TRIML2: variants seen among roughly 807,000 people sequenced by gnomAD.
TRIML2 encodes probable E3 ubiquitin-protein ligase TRIML2.
A neutral mutation model predicts 31.2 loss-of-function variants in TRIML2; 28 were observed. The observed-to-expected ratio is 0.90, with a 90% CI of 0.66 to 1.23. The LOEUF (loss-of-function observed/expected upper bound fraction) is 1.23. Among genes scored for constraint, TRIML2 ranks in the 50% most tolerant of loss-of-function variants. The pLI is 0.00. For missense variants in TRIML2, 536 were observed against 528.3 expected, an observed-to-expected ratio of 1.01 and a Z score of -0.14; for synonymous variants, 187 against 197.5, an observed-to-expected ratio of 0.95 and a Z score of 0.45.
intron 7 of TRIML2, 43 bp from the exon 8 acceptor site, chr4:188,091,984 T>C: frequency 3.9e-6 from 6 of 1,555,614 alleles, no homozygotes; most frequent in Non-Finnish European, 5.2e-6. Context: ...AGTTCACCAA[T>C]GCCAATGCCA....
chr4:188,101,306 C>T, intron 3 of TRIML2, 56 bp from the exon 4 acceptor site: 1 of 1,068,430 alleles, frequency 9.4e-7, no homozygotes, highest in Non-Finnish European at 1.4e-6. Flanking sequence ...TAACAACACA[C>T]ACACACGTCA....
In TRIML2 at chr4:188,097,364, G is replaced by A. The variant is rs146985988; in HGVS notation, c.622-18C>T. On this transcript the variant is annotated intron_variant, in intron 5 of 7. Coordinates refer to ENST00000682553, the MANE Select transcript of TRIML2 (RefSeq NM_173553.4). ...TTTGCATTCTAAGGGAAAGAAAAGA[G>A]ACCAGGTTACTACTGGGTTTTTGAG... The A allele has an allele frequency of 1.3e-3, 2,162 of 1,613,640 alleles. 38 individuals are homozygous for A. In the African/African-American group the frequency reaches 0.026, roughly 19 times the overall value.
chr4:188,099,240 T>C, intron 4 of TRIML2, 65 bp from the exon 5 acceptor site: 1 of 1,524,072 alleles, frequency 6.6e-7, no homozygotes, highest in Non-Finnish European at 8.8e-7. Context: ...TTCGGTAACT[T>C]CTCCTATAGA....
intron 1 of TRIML2, chr4:188,106,876 G>A: frequency 3.8e-6 from 1 of 262,690 alleles, no homozygotes; most frequent in Non-Finnish European, 7.9e-6. Context: ...GCGCTTTGTC[G>A]ACGTTGTGCC....
intron 7 of TRIML2, among the ~76,000 whole-genome samples, chr4:188,092,449 A>G (rs957137857): frequency 6.8e-6 from 1 of 147,244 alleles, no homozygotes. Flanking sequence ...CGACAGAGCA[A>G]GACTCCATCT....
At chr4:188,098,823 G>A (rs968043799) in intron 5 of TRIML2, 4 of 535,364 alleles carry the variant, frequency 7.5e-6, no homozygotes, top group Admixed American at 3.6e-5. Flanking sequence ...ATTTTAAGGT[G>A]AGAATTCATC....
intron 4 of TRIML2, among the ~76,000 whole-genome samples, chr4:188,099,716 G>A (rs1733689407): frequency 6.6e-6 from 1 of 152,140 alleles, no homozygotes; most frequent in South Asian, 2.1e-4. Flanking sequence ...CCCCTGTTAT[G>A]TATGTTTAAG....
intron 1 of TRIML2, chr4:188,105,971 C>T (rs918716031): frequency 3.3e-5 from 5 of 152,388 alleles, no homozygotes; most frequent in Admixed American, 2.6e-4. Flanking sequence ...CCCACCTCAG[C>T]TTCCGGAGTA....
At position 188,097,478 on chromosome 4, in the gene TRIML2, CA is replaced by C. The variant is rs541761420; in HGVS notation, c.622-133del. 443 of 819,756 alleles carry C rather than the reference CA, an allele frequency of 5.4e-4. 2 individuals are homozygous for C. The African/African-American group carries it at 6.4e-3, about 12-fold the overall frequency. The allele number at this position is 819,756 out of a possible 1,614,324, so 50.8% of individuals were successfully genotyped here. A position where few individuals can be genotyped will look rare whatever the true frequency, so the allele number is the denominator to read the frequency against. On this transcript the variant is annotated intron_variant, in intron 5 of 7. Coordinates refer to ENST00000682553, the MANE Select transcript of TRIML2 (RefSeq NM_173553.4). The stretch of plus-strand genomic sequence containing the variant: ...TCTTCAACCTCATAATGCTAGTTAT[CA>C]GATGAACAAATTCTAACATGGAAAC...
Position 188,101,138 on chromosome 4 carries a change from T to A in TRIML2, c.398A>T (p.Asp133Val). ...CAGAAGGGTTTCTCTCAGGTTCAAG[T>A]CAGATATGCATTCCTGCTGTCTCTG... Reference protein sequence around the residue: ...NLQRQQECISDLNLRETLLNQ... With the variant: ...NLQRQQECISVLNLRETLLNQ... The change falls in exon 4 of 8, where the codon GAC becomes GTC. Residue 133 changes from aspartate (D) to valine (V), a missense_variant. Coordinates refer to ENST00000682553, the MANE Select transcript of TRIML2 (RefSeq NM_173553.4). The A allele has an allele frequency of 6.2e-7, 1 of 1,613,970 alleles. No homozygotes were observed. The highest frequency in any genetic ancestry group is 8.5e-7 in the Non-Finnish European group (1 of 1,179,964).
chr4:188,102,603 C>A (rs1733847231), intron 3 of TRIML2, among the ~76,000 whole-genome samples: 1 of 152,010 alleles, frequency 6.6e-6, no homozygotes, highest in Non-Finnish European at 1.5e-5. Context: ...GTAATCCCAG[C>A]ACTTTGGGAG....
chr4:188,107,984 A>G (rs540037825), intron 1 of TRIML2, among the ~76,000 whole-genome samples: 9 of 152,146 alleles, frequency 5.9e-5, no homozygotes, highest in Non-Finnish European at 1.2e-4. Flanking sequence ...GAGTCACCAA[A>G]ACAAAGAAAT....
intron 7 of TRIML2, 130 bp downstream of exon 7, chr4:188,096,931 A>G: frequency 1.4e-6 from 1 of 711,750 alleles, no homozygotes; most frequent in Admixed American, 2.4e-5. Context: ...TGCTGGGATT[A>G]CAGGAGTGAC....
In TRIML2 at chr4:188,105,535, A is replaced by G. The variant is rs1418193167; in HGVS notation, c.-167T>C. On this transcript the variant is annotated 5_prime_UTR_variant, in exon 2 of 8. Coordinates refer to ENST00000682553, the MANE Select transcript of TRIML2 (RefSeq NM_173553.4). ...TCCAAGGAAATAAGTCCACGCAGACAGAGCGGGTCGGCGCTCTGGACTCCT... is the reference window on the plus strand; with the variant it reads ...TCCAAGGAAATAAGTCCACGCAGACGGAGCGGGTCGGCGCTCTGGACTCCT... The G allele has an allele frequency of 8.0e-6, 4 of 500,414 alleles. No individual in the cohort carries two copies. The highest frequency in any genetic ancestry group is 1.4e-5 in the Non-Finnish European group (4 of 287,452). The allele number at this position is 500,414 out of a possible 1,614,324, so 31.0% of individuals were successfully genotyped here.
chr4:188,107,677 A>G (rs1327953249), intron 1 of TRIML2, among the ~76,000 whole-genome samples: 2 of 152,176 alleles, frequency 1.3e-5, no homozygotes, highest in Non-Finnish European at 2.9e-5. Flanking sequence ...TATATTATTA[A>G]TATGTCTAAG....
At chr4:188,100,227 C>T (rs1733713803) in intron 4 of TRIML2, among the ~76,000 whole-genome samples, 1 of 152,148 alleles carries the variant, frequency 6.6e-6, no homozygotes, top group Admixed American at 6.6e-5. Flanking sequence ...TCATCAACTG[C>T]TTAACATGAA....
chr4:188,107,245 A>G (rs1734080625), intron 1 of TRIML2, among the ~76,000 whole-genome samples: 1 of 152,034 alleles, frequency 6.6e-6, no homozygotes, highest in African/African-American at 2.4e-5. Context: ...GGAACTCCTG[A>G]CCTCAGGTTA....
intron 7 of TRIML2, among the ~76,000 whole-genome samples, chr4:188,096,828 C>T (rs1193559977): frequency 1.3e-5 from 2 of 151,738 alleles, no homozygotes; most frequent in Admixed American, 6.6e-5. Flanking sequence ...GGCTAATTTT[C>T]GTATTTTTTG....
At position 188,091,930 on chromosome 4, in the gene TRIML2, A is replaced by T; in HGVS notation, c.757T>A (p.Leu253Met). 1 of 1,609,226 alleles carries T rather than the reference A, an allele frequency of 6.2e-7. No individual in the cohort carries two copies. The highest frequency in any genetic ancestry group is 1.3e-5 in the African/African-American group (1 of 75,030). ...MFRVLQRHLT[L>M]DPETAHPCLA... ...CAGGGATGAGCTGTTTCAGGATCCA[A>T]TGTTAAATGTCCTATCAGGAGAGAA... Residue 253 changes from leucine to methionine, a missense_variant, in exon 8 of 8, where the codon TTG becomes ATG. Leu to Met is a conservative substitution (Grantham distance 15). Transcript: ENST00000682553.
Sources: allele counts gnomAD v4.1 joint callset (sites outside exome capture counted in the v4.1 genomes callset), GRCh38; gene constraint gnomAD v4.1.1; transcripts MANE v1.5; gene names NCBI Gene and HGNC (gene_info 2026-07-23, HGNC 2026-07-21).